The following KCNK2 variants were observed in gnomAD, a reference collection of about 807,000 sequenced individuals.
The protein encoded by KCNK2 is potassium channel subfamily K member 2.
KCNK2 carries 21 observed loss-of-function variants against 40.5 expected under a neutral mutation model. That is an observed-to-expected ratio of 0.52 (90% CI 0.37 to 0.75). KCNK2 has a LOEUF of 0.75. KCNK2 is among the 30% of genes least tolerant of loss of function. KCNK2 has a pLI of 0.00. For synonymous variants in KCNK2, 191 were observed against 202.2 expected, an observed-to-expected ratio of 0.94 and a Z score of 0.47; for missense variants, 399 against 531.6, an observed-to-expected ratio of 0.75 and a Z score of 2.45.
At chr1:215,195,291 A>T (rs1465579536) in intron 6 of KCNK2, among the ~76,000 whole-genome samples, 199 bp downstream of exon 6, 1 of 152,108 alleles carries the variant, frequency 6.6e-6, no homozygotes. Flanking sequence ...TTTCTGTGCC[A>T]ATTGCTGTCT....
Position 215,007,185 on chromosome 1 carries a change from G to GTATATATATA in KCNK2, c.34+1263_34+1272dup, listed in dbSNP as rs1162302568. Among the ~76,000 whole-genome samples the GTATATATATA allele has an allele frequency of 8.7e-4, 27 of 31,020 alleles. 1 individual carries two copies. Among genetic ancestry groups the GTATATATATA allele is most frequent in the African/African-American group, 1.8e-3 (15 of 8,166 alleles). The allele number at this position is 31,020 out of a possible 152,430, so 20.4% of individuals were successfully genotyped here. On this transcript the variant is annotated intron_variant, in intron 1 of 6. Coordinates refer to the KCNK2 transcript ENST00000391895. The stretch of plus-strand genomic sequence containing the variant: ...TGTATATATATATGTATGTGTGTGG[G>GTATATATATA]TATATATATATATATATATATATAT...
Position 215,231,437 on chromosome 1 carries a change from T to C in KCNK2, c.964-3391T>C, listed in dbSNP as rs1666661333. ...GATTGTGTAAAATTTTGTATGTGTA[T>C]CTAGTGCCTGCTATGTGCTCGGTGT... On this transcript the variant is annotated intron_variant, in intron 6 of 6. Transcript: ENST00000444842. Among the ~76,000 whole-genome samples, 4 of 152,176 alleles carry C rather than the reference T, an allele frequency of 2.6e-5. No individual in the cohort carries two copies. The South Asian group carries it at 8.3e-4, about 32-fold the overall frequency.
At chr1:215,103,722 A>G (rs1660316607) in intron 2 of KCNK2, among the ~76,000 whole-genome samples, 1 of 152,070 alleles carries the variant, frequency 6.6e-6, no homozygotes, top group African/African-American at 2.4e-5. Context: ...TTTCTTGGAC[A>G]GCTGTACTGT....
At chr1:215,168,634 A>G (rs1466624104) in intron 3 of KCNK2, among the ~76,000 whole-genome samples, 1 of 152,212 alleles carries the variant, frequency 6.6e-6, no homozygotes, top group African/African-American at 2.4e-5. Context: ...GTTCTCGCTC[A>G]TAAGTGGGAG....
chr1:215,209,414 T>TTAGATATAAAATATATATTA (rs1665492445), intron 6 of KCNK2, among the ~76,000 whole-genome samples: 1 of 25,348 alleles, frequency 3.9e-5, no homozygotes, highest in Non-Finnish European at 6.7e-5. Flanking sequence ...TATGCATATA[T>TTAGATATAAAATATATATTA]TATATATAAT....
chr1:215,013,954 A>G (rs921277165), intron 1 of KCNK2, among the ~76,000 whole-genome samples: 1 of 152,148 alleles, frequency 6.6e-6, no homozygotes, highest in Non-Finnish European at 1.5e-5. Flanking sequence ...ACTATGCCAA[A>G]TAGGAGTTGT....
chr1:215,174,389 T>G (rs1053531928), intron 5 of KCNK2, among the ~76,000 whole-genome samples: 13 of 152,226 alleles, frequency 8.5e-5, no homozygotes, highest in Non-Finnish European at 1.9e-4. Context: ...TAGTATAGTT[T>G]GAAGTCAAGT....
At chr1:215,089,332 G>C (rs1320184251) in intron 2 of KCNK2, among the ~76,000 whole-genome samples, 7 of 152,108 alleles carry the variant, frequency 4.6e-5, no homozygotes, top group Non-Finnish European at 1.0e-4. Context: ...AGTGCTGAGG[G>C]GGGAAACAGT....
chr1:215,101,400 A>C (rs182714497), intron 2 of KCNK2, among the ~76,000 whole-genome samples: 27 of 151,958 alleles, frequency 1.8e-4, no homozygotes, highest in Admixed American at 4.6e-4. Flanking sequence ...CAGTCAAATA[A>C]AGGTTTTTTG....
intron 1 of KCNK2, among the ~76,000 whole-genome samples, chr1:215,062,515 G>A (rs1023737307): frequency 3.3e-5 from 5 of 151,306 alleles, no homozygotes; most frequent in African/African-American, 1.2e-4. Context: ...ACCTCTAAGG[G>A]GAAGGTGGGA....
At chr1:215,170,237 T>C (rs964148469) in intron 4 of KCNK2, among the ~76,000 whole-genome samples, 1 of 151,976 alleles carries the variant, frequency 6.6e-6, no homozygotes, top group Non-Finnish European at 1.5e-5. Flanking sequence ...GTAATGCCAT[T>C]GATAGGAATG....
At chr1:215,125,238 T>C (rs1005710319) in intron 3 of KCNK2, among the ~76,000 whole-genome samples, 1 of 152,156 alleles carries the variant, frequency 6.6e-6, no homozygotes, top group East Asian at 1.9e-4. Context: ...ATATACATTA[T>C]ATTTTGCCCG....
intron 1 of KCNK2, among the ~76,000 whole-genome samples, chr1:215,068,681 TA>T (rs905426192): frequency 1.8e-4 from 27 of 152,200 alleles, no homozygotes; most frequent in African/African-American, 6.3e-4. Flanking sequence ...ATCTCAGTCT[TA>T]ATTAAGATGA....
intron 3 of KCNK2, among the ~76,000 whole-genome samples, chr1:215,160,724 C>T (rs1663156126): frequency 6.6e-6 from 1 of 152,098 alleles, no homozygotes; most frequent in Non-Finnish European, 1.5e-5. Flanking sequence ...CATCTCTACA[C>T]TTTAAGTGTT....
intron 1 of KCNK2, among the ~76,000 whole-genome samples, chr1:215,071,773 C>T (rs1160831075): frequency 1.3e-5 from 2 of 152,132 alleles, no homozygotes; most frequent in African/African-American, 2.4e-5. Context: ...GCTGCTTCTT[C>T]TGTAATGTAC....
intron 6 of KCNK2, among the ~76,000 whole-genome samples, chr1:215,231,258 C>T (rs1055102291): frequency 6.6e-6 from 1 of 152,120 alleles, no homozygotes; most frequent in African/African-American, 2.4e-5. Flanking sequence ...TACAAAAATG[C>T]AAAGGTTATA....
chr1:215,172,152 A>G lies in KCNK2; in HGVS notation c.792A>G (p.Leu264=), dbSNP rs773724915. 9 of 1,613,096 alleles carry G rather than the reference A, an allele frequency of 5.6e-6. No individual in the cohort carries two copies. The highest frequency in any genetic ancestry group is 7.6e-6 in the Non-Finnish European group (9 of 1,179,596). The stretch of plus-strand genomic sequence containing the variant: ...CCATTTATTTTGTGGTTATCACTCT[A>G]ACAACTATTGGATTTGGTGACTACG... ...LDAIYFVVIT[L]TTIGFGDYVA... The change falls in exon 5 of 7, where the codon CTA becomes CTG. Residue 264 remains leucine (L), a synonymous_variant. Transcript: ENST00000444842.
At chr1:215,080,848 G>C (rs1659126996), upstream of KCNK2, among the ~76,000 whole-genome samples, 1 of 152,162 alleles carries the variant, frequency 6.6e-6, no homozygotes, top group Non-Finnish European at 1.5e-5. Context: ...ACAGTGTTCA[G>C]TTATTTAATC....
At chr1:215,105,664 G>A (rs1660405076) in intron 2 of KCNK2, among the ~76,000 whole-genome samples, 1 of 152,024 alleles carries the variant, frequency 6.6e-6, no homozygotes, top group Non-Finnish European at 1.5e-5. Context: ...ATGATGCTGA[G>A]GCTTGGGGCA....
Sources: gnomAD v4.1 joint callset for allele counts (sites outside exome capture counted in the v4.1 genomes callset) on GRCh38, gnomAD v4.1.1 for gene constraint, MANE v1.5 for transcripts, NCBI Gene and HGNC (gene_info 2026-07-23, HGNC 2026-07-21) for gene names.